OCA2: variants seen among roughly 807,000 people sequenced by gnomAD.
The protein encoded by OCA2 is OCA2 melanosomal transmembrane protein.
A neutral mutation model predicts 100.2 loss-of-function variants in OCA2; 77 were observed. The observed-to-expected ratio is 0.77, with a 90% CI of 0.64 to 0.93. The LOEUF is 0.93. Among genes scored for constraint, OCA2 ranks in the 40% least tolerant of loss-of-function variants. The probability of loss-of-function intolerance (pLI) is 0.00; values close to 1 mark genes in which losing one functional copy is unlikely to be tolerated. For missense variants in OCA2, 1,062 were observed against 1,089.1 expected, an observed-to-expected ratio of 0.98 and a Z score of 0.35; for synonymous variants, 432 against 439.2, an observed-to-expected ratio of 0.98 and a Z score of 0.21.
At chr15:27,719,804 T>G in the OCA2 span, among the ~76,000 whole-genome samples, 1 of 152,194 alleles carries the variant, frequency 6.6e-6, no homozygotes, top group African/African-American at 2.4e-5. Flanking sequence ...TGGCCCCATC[T>G]GCTCAGCTCC....
At chr15:27,872,921 C>T (rs7182471) in intron 19 of OCA2, among the ~76,000 whole-genome samples, 2,389 of 152,194 alleles carry the variant, frequency 0.016, 55 homozygotes, top group African/African-American at 0.05. Context: ...AACTCGTGAC[C>T]TCAGGTGATC....
chr15:27,821,449 T>C (rs779989039), intron 23 of OCA2, among the ~76,000 whole-genome samples: 2 of 152,118 alleles, frequency 1.3e-5, no homozygotes, highest in Non-Finnish European at 2.9e-5. Flanking sequence ...TGAAAACACA[T>C]GGATGCACAC....
At chr15:27,741,310 C>T in the OCA2 span, among the ~76,000 whole-genome samples, 1 of 152,096 alleles carries the variant, frequency 6.6e-6, no homozygotes, top group African/African-American at 2.4e-5. Flanking sequence ...AGGAACATTG[C>T]CATTGGGGGA....
rs138931665 is a variant in OCA2 at position 27,900,079 on chromosome 15, T to C, written c.2079+26048A>G. Among the ~76,000 whole-genome samples, 35 of 152,272 alleles carry C rather than the reference T, an allele frequency of 2.3e-4. No homozygotes were observed. The East Asian group carries it at 2.3e-3, about 10-fold the overall frequency. On this transcript the variant is annotated intron_variant, in intron 19 of 23. Coordinates refer to ENST00000354638, the MANE Select transcript of OCA2 (RefSeq NM_000275.3). ...CTATGTTCTCAGGATGCGGCAACCA[T>C]GGTGACCGTGCAGTCAACAAAATAA... is the stretch of plus-strand genomic sequence containing the variant.
intron 19 of OCA2, chr15:27,896,620 T>C (rs527475779): frequency 4.2e-5 from 8 of 189,588 alleles, no homozygotes; most frequent in Non-Finnish European, 8.2e-5. Flanking sequence ...CAGATGAAGA[T>C]CATAAACTTA....
At chr15:27,889,367 C>G (rs1239958973) in intron 19 of OCA2, among the ~76,000 whole-genome samples, 1 of 152,176 alleles carries the variant, frequency 6.6e-6, no homozygotes, top group African/African-American at 2.4e-5. Flanking sequence ...AACTGCAGCT[C>G]AGGTGGTGGT....
chr15:28,024,989 T>C lies in OCA2; in HGVS notation c.516-87A>G, dbSNP rs933024681. 5.8e-6 allele frequency: 7 copies of C among 1,210,344 alleles called. No homozygotes were observed. In the Admixed American group the frequency reaches 1.1e-4, roughly 20 times the overall value. 75.0% of individuals were successfully genotyped at this position (1,210,344 alleles called of 1,614,324 possible). A position where few individuals can be genotyped will look rare whatever the true frequency, so the allele number is the denominator to read the frequency against. ...CACTTTTCTGCAGCCTTGAGTAACT[T>C]CCATCTCAAAGCATGTGTTTTGAAT... On this transcript the variant is annotated intron_variant, in intron 4 of 23. Coordinates refer to ENST00000354638, the MANE Select transcript of OCA2 (RefSeq NM_000275.3).
intron 2 of OCA2, among the ~76,000 whole-genome samples, chr15:28,075,642 T>C (rs74739972): frequency 0.078 from 11,803 of 152,292 alleles, 577 homozygotes; most frequent in East Asian, 0.23. Flanking sequence ...ACTGGTTTTA[T>C]TCATAATTAC....
chr15:27,931,789 G>C (rs1190829174), intron 18 of OCA2, among the ~76,000 whole-genome samples: 2 of 152,178 alleles, frequency 1.3e-5, no homozygotes, highest in Admixed American at 1.3e-4. Context: ...AATTTGAAGA[G>C]GTATCCAAAC....
chr15:28,057,146 A>G (rs2043727350), intron 2 of OCA2, among the ~76,000 whole-genome samples: 1 of 152,268 alleles, frequency 6.6e-6, no homozygotes, highest in Admixed American at 6.5e-5. Flanking sequence ...TCTGGCACAA[A>G]AAGTCTGATT....
At chr15:27,730,825 T>C in the OCA2 span, among the ~76,000 whole-genome samples, 1 of 146,732 alleles carries the variant, frequency 6.8e-6, no homozygotes, top group East Asian at 2.0e-4. Context: ...ACTGAACTGA[T>C]GGGCAACACC....
chr15:27,816,032 G>T (rs762110319), intron 23 of OCA2, among the ~76,000 whole-genome samples: 1 of 152,220 alleles, frequency 6.6e-6, no homozygotes, highest in Non-Finnish European at 1.5e-5. Flanking sequence ...TACTCAGGAG[G>T]CTGAGGCAGG....
intron 23 of OCA2, among the ~76,000 whole-genome samples, chr15:27,786,148 G>C: frequency 6.6e-6 from 1 of 152,146 alleles, no homozygotes; most frequent in Non-Finnish European, 1.5e-5. Flanking sequence ...AATTACCTTT[G>C]TAGTTGCCAG....
intron 19 of OCA2, among the ~76,000 whole-genome samples, chr15:27,894,953 G>A (rs1274618305): frequency 1.3e-5 from 2 of 152,196 alleles, no homozygotes; most frequent in Admixed American, 1.3e-4. Flanking sequence ...GCATATTTAA[G>A]GTTGGATTGT....
At chr15:27,735,238 G>A in the OCA2 span, among the ~76,000 whole-genome samples, 2 of 151,992 alleles carry the variant, frequency 1.3e-5, no homozygotes, top group Admixed American at 6.6e-5. Context: ...GCAATAGAGA[G>A]CATCAACGTT....
chr15:27,934,891 C>T (rs866840695), intron 18 of OCA2, among the ~76,000 whole-genome samples: 4 of 152,290 alleles, frequency 2.6e-5, no homozygotes, highest in South Asian at 4.1e-4. Context: ...TACTTTTAAT[C>T]GCACTGCCTG....
At chr15:27,883,321 GT>G (rs1266278566) in intron 19 of OCA2, among the ~76,000 whole-genome samples, 1 of 152,144 alleles carries the variant, frequency 6.6e-6, no homozygotes, top group East Asian at 1.9e-4. Flanking sequence ...ATTTTTCAGA[GT>G]CCATATGTAG....
chr15:27,864,925 G>C (rs1367753008), intron 21 of OCA2, among the ~76,000 whole-genome samples: 2 of 151,818 alleles, frequency 1.3e-5, no homozygotes, highest in Non-Finnish European at 2.9e-5. Context: ...GAGGCCGCCT[G>C]CCCACCAAGA....
chr15:27,867,194 A>T (rs1426370207), intron 21 of OCA2, among the ~76,000 whole-genome samples: 3 of 152,254 alleles, frequency 2.0e-5, no homozygotes. Flanking sequence ...CACTAGGTGC[A>T]TTACAAACAG....
Sources: allele counts gnomAD v4.1 joint callset (sites outside exome capture counted in the v4.1 genomes callset), GRCh38; gene constraint gnomAD v4.1.1; transcripts MANE v1.5; gene names NCBI Gene and HGNC (gene_info 2026-07-23, HGNC 2026-07-21).